AGFG1: variants seen among roughly 807,000 people sequenced by gnomAD.
The protein encoded by AGFG1 is arf-GAP domain and FG repeat-containing protein 1.
AGFG1 carries 10 observed loss-of-function variants against 60.6 expected under a neutral mutation model. The observed-to-expected ratio is 0.16, with a 90% CI of 0.10 to 0.28. The LOEUF is 0.28. Ranked by LOEUF, AGFG1 falls within the 10% of genes least tolerant of loss-of-function variation. The pLI, the probability that AGFG1 is intolerant of heterozygous loss-of-function variation, is 1.00. For synonymous variants in AGFG1, 247 were observed against 242.9 expected, an observed-to-expected ratio of 1.02 and a Z score of -0.16; for missense variants, 537 against 676.5, an observed-to-expected ratio of 0.79 and a Z score of 2.29.
chr2:227,522,415 A>T (rs537585644), intron 3 of AGFG1, among the ~76,000 whole-genome samples: 1 of 152,340 alleles, frequency 6.6e-6, no homozygotes, highest in South Asian at 2.1e-4. Flanking sequence ...TCATTCTCAT[A>T]CATCTTTTAT....
intron 5 of AGFG1, among the ~76,000 whole-genome samples, chr2:227,525,345 A>T (rs556229457): frequency 3.9e-5 from 6 of 152,218 alleles, no homozygotes; most frequent in Non-Finnish European, 7.3e-5. Context: ...TCTATAAAAC[A>T]TACTTTTTTT....
Position 227,498,156 on chromosome 2 carries a change from T to C in AGFG1, c.261+6516T>C, listed in dbSNP as rs1379548329. On this transcript the variant is annotated intron_variant, in intron 2 of 12. Transcript: ENST00000310078. ...TATTTTTTAAAATTAAAAAAAAATT[T>C]TTTTCCCCAGGTTTGGTAACTTGCC... 2.0e-5 allele frequency among the ~76,000 whole-genome samples: 3 copies of C among 152,114 alleles called. 1 individual carries two copies. The highest frequency in any genetic ancestry group is 4.4e-5 in the Non-Finnish European group (3 of 68,020).
At position 227,554,550 on chromosome 2, in the gene AGFG1, C is replaced by T. The variant is rs1266679404; in HGVS notation, c.*55C>T. 18 of 1,385,638 alleles carry T rather than the reference C, an allele frequency of 1.3e-5. No individual in the cohort carries two copies. The highest frequency in any genetic ancestry group is 3.5e-5 in the Admixed American group (2 of 56,664). 85.8% of individuals were successfully genotyped at this position (1,385,638 alleles called of 1,614,324 possible). On this transcript the variant is annotated 3_prime_UTR_variant, in exon 13 of 13. Coordinates refer to ENST00000310078, the MANE Select transcript of AGFG1 (RefSeq NM_004504.5). The stretch of plus-strand genomic sequence containing the variant: ...TTTTATGTGGTCACATTACATCTCT[C>T]CACCTCTTGCACTGTTGTCTTGTTT...
intron 10 of AGFG1, among the ~76,000 whole-genome samples, chr2:227,546,358 G>A (rs970767541): frequency 2.0e-5 from 3 of 152,204 alleles, no homozygotes; most frequent in Non-Finnish European, 2.9e-5. Context: ...GTATTAGGGC[G>A]GGAGTGTCCC....
At chr2:227,477,581 A>G (rs973235314) in intron 1 of AGFG1, among the ~76,000 whole-genome samples, 6 of 152,202 alleles carry the variant, frequency 3.9e-5, no homozygotes, top group East Asian at 3.9e-4. Flanking sequence ...TTGTGTTTCA[A>G]ATGGCAGAAA....
At chr2:227,496,858 C>G (rs1384432002) in intron 2 of AGFG1, among the ~76,000 whole-genome samples, 7 of 152,090 alleles carry the variant, frequency 4.6e-5, no homozygotes, top group Non-Finnish European at 8.8e-5. Context: ...TTTCAGTTTT[C>G]ATAGCATACT....
At chr2:227,535,986 G>A (rs937580788) in intron 8 of AGFG1, among the ~76,000 whole-genome samples, 2 of 152,040 alleles carry the variant, frequency 1.3e-5, no homozygotes, top group African/African-American at 2.4e-5. Flanking sequence ...CATTGATGGT[G>A]TGAAAACAAT....
Position 227,536,908 on chromosome 2 carries a change from T to C in AGFG1, c.1293T>C (p.Pro431=). The part of the protein sequence containing the change: ...SSVPAPFGAT[P]STNPFVAAAG... Reference sequence around the variant, plus strand: ...TTTTATAATTTTTTAAAGCTACGCCTTCCACAAATCCATTTGTTGCTGCTG... The same window carrying C: ...TTTTATAATTTTTTAAAGCTACGCCCTCCACAAATCCATTTGTTGCTGCTG... The change falls in exon 10 of 13, where the codon CCT becomes CCC. Residue 431 remains proline (P), a synonymous_variant. Transcript: ENST00000310078. The C allele has an allele frequency of 6.2e-7, 1 of 1,612,214 alleles. No individual in the cohort carries two copies. Among genetic ancestry groups the C allele is most frequent in the Non-Finnish European group, 8.5e-7 (1 of 1,178,946 alleles).
intron 10 of AGFG1, among the ~76,000 whole-genome samples, chr2:227,540,176 TTA>T (rs1692444461): frequency 6.8e-6 from 1 of 146,952 alleles, no homozygotes; most frequent in Admixed American, 7.2e-5. Flanking sequence ...TTTTCTGGAT[TTA>T]TAAAACTTTG....
chr2:227,513,994 T>C (rs1416891914), intron 2 of AGFG1, among the ~76,000 whole-genome samples: 1 of 152,166 alleles, frequency 6.6e-6, no homozygotes, highest in African/African-American at 2.4e-5. Flanking sequence ...TGGAATGAGT[T>C]TCCTGTGAGA....
intron 1 of AGFG1, among the ~76,000 whole-genome samples, chr2:227,478,605 A>G (rs1465753703): frequency 6.6e-6 from 1 of 152,142 alleles, no homozygotes; most frequent in African/African-American, 2.4e-5. Flanking sequence ...AATTGTGGGG[A>G]TTACAGGCGT....
intron 2 of AGFG1, among the ~76,000 whole-genome samples, chr2:227,513,556 A>G (rs73083422): frequency 0.019 from 2,825 of 152,236 alleles, 89 homozygotes; most frequent in African/African-American, 0.064. Flanking sequence ...TTTACTGCCA[A>G]TGGGTAGTGA....
intron 8 of AGFG1, among the ~76,000 whole-genome samples, chr2:227,536,362 GTAC>G (rs1692313438): frequency 6.6e-6 from 1 of 152,018 alleles, no homozygotes; most frequent in South Asian, 2.1e-4. Context: ...GCACCAAACT[GTAC>G]TAGTCGTTAC....
intron 10 of AGFG1, among the ~76,000 whole-genome samples, chr2:227,539,457 A>AAAAAC (rs139764867): frequency 5.4e-5 from 7 of 129,938 alleles, no homozygotes; most frequent in East Asian, 2.3e-4. Context: ...AAAACAAAAA[A>AAAAAC]CACATGTTAA....
chr2:227,550,407 C>T (rs534306138), intron 10 of AGFG1, among the ~76,000 whole-genome samples: 5 of 152,082 alleles, frequency 3.3e-5, no homozygotes, highest in East Asian at 1.9e-4. Flanking sequence ...CTTTGAGTGA[C>T]GCCTTTTTGA....
intron 10 of AGFG1, among the ~76,000 whole-genome samples, chr2:227,540,211 T>C (rs1459235690): frequency 6.6e-6 from 1 of 151,482 alleles, no homozygotes; most frequent in Non-Finnish European, 1.5e-5. Flanking sequence ...TTTTTTTTTT[T>C]ACTTTAAGTT....
At chr2:227,509,717 A>G (rs1464724748) in intron 2 of AGFG1, among the ~76,000 whole-genome samples, 1 of 151,872 alleles carries the variant, frequency 6.6e-6, no homozygotes, top group Non-Finnish European at 1.5e-5. Flanking sequence ...TTATTTTGTA[A>G]TTAAAAAACC....
chr2:227,489,173 G>A (rs571129012), intron 1 of AGFG1, among the ~76,000 whole-genome samples: 1 of 149,656 alleles, frequency 6.7e-6, no homozygotes, highest in Non-Finnish European at 1.5e-5. Context: ...AAGCTTTAAA[G>A]GTACTTGCAA....
In AGFG1 at chr2:227,553,749, C is replaced by CT; in HGVS notation, c.1587dup (p.Gly530TrpfsTer10). On this transcript the variant is annotated frameshift_variant, in exon 12 of 13. Transcript: ENST00000310078. LOFTEE classifies it high-confidence loss of function. ...GGACAAACAAAGCCAGTAGTAACCC[C>CT]TTTTGGTCAAGTTGCAGCTGCTGGA... 2 of 1,613,626 alleles carry CT rather than the reference C, an allele frequency of 1.2e-6. No individual in the cohort carries two copies. Among genetic ancestry groups the CT allele is most frequent in the Non-Finnish European group, 1.7e-6 (2 of 1,179,870 alleles).
Sources: gnomAD v4.1 joint callset for allele counts (sites outside exome capture counted in the v4.1 genomes callset) on GRCh38, gnomAD v4.1.1 for gene constraint, MANE v1.5 for transcripts, NCBI Gene and HGNC (gene_info 2026-07-23, HGNC 2026-07-21) for gene names.